Variants in SLC9A8 observed in about 807,000 individuals in gnomAD.
SLC9A8 encodes solute carrier family 9 member A8.
SLC9A8 carries 48 observed loss-of-function variants against 66.6 expected under a neutral mutation model. The observed-to-expected ratio is 0.72, with a 90% CI of 0.57 to 0.92. The LOEUF is 0.92. SLC9A8 is among the 40% of genes least tolerant of loss of function. SLC9A8 has a pLI of 0.00. For missense variants in SLC9A8, 599 were observed against 747.3 expected (o/e 0.80, Z 2.31); for synonymous variants, 274 against 282.6 (o/e 0.97, Z 0.31).
At position 49,849,202 on chromosome 20, in the gene SLC9A8, C is replaced by T. The variant is rs561786475; in HGVS notation, c.433-377C>T. On this transcript the variant is annotated intron_variant, in intron 5 of 15. Coordinates refer to ENST00000361573, the MANE Select transcript of SLC9A8 (RefSeq NM_015266.3). ...TGAGCCCAGAGGCCTCCCCAGGAGT[C>T]GAATCATTCAGGGTGGGGGCTAGCT... Among the ~76,000 whole-genome samples, 10 of 152,148 alleles carry T rather than the reference C, an allele frequency of 6.6e-5. No homozygotes were observed. The South Asian group carries it at 1.2e-3, about 19-fold the overall frequency.
At chr20:49,875,163 T>C (rs2089375542) in intron 11 of SLC9A8, among the ~76,000 whole-genome samples, 1 of 151,496 alleles carries the variant, frequency 6.6e-6, no homozygotes, top group South Asian at 2.1e-4. Flanking sequence ...TTGGTGAAAA[T>C]GGCTCCATAG....
Position 49,883,847 on chromosome 20 carries a change from C to T in SLC9A8, c.1272C>T (p.Gly424=). The change falls in exon 14 of 16, where the codon GGC becomes GGT. Residue 424 remains glycine, a splice_region_variant and synonymous_variant. Coordinates refer to ENST00000361573, the MANE Select transcript of SLC9A8 (RefSeq NM_015266.3). ...CTCACACTGTTTGCTGTCACCCAGGCCTGCGGGGAGCCATCCCCTATGCCC... is the reference window on the plus strand; with the variant it reads ...CTCACACTGTTTGCTGTCACCCAGGTCTGCGGGGAGCCATCCCCTATGCCC... The part of the protein sequence containing the change: ...PKMMFIMWFS[G]LRGAIPYALS... 6.2e-7 allele frequency: 1 copy of T among 1,604,206 alleles called. No individual in the cohort carries two copies.
rs182113855 is a variant in SLC9A8, at chr20:49,843,306, A to G, written c.349-1730A>G. On this transcript the variant is annotated intron_variant, in intron 4 of 15. Coordinates refer to ENST00000361573, the MANE Select transcript of SLC9A8 (RefSeq NM_015266.3). The stretch of plus-strand genomic sequence containing the variant: ...CACAGAGCTCGGCTCATTTTTTTTC[A>G]CACAGTCCCAGTCTGAATCATGAGC... Among the ~76,000 whole-genome samples the G allele has an allele frequency of 6.6e-5, 10 of 152,226 alleles. No individual in the cohort carries two copies. The East Asian group carries it at 1.4e-3, about 21-fold the overall frequency.
At chr20:49,878,197 T>G in intron 12 of SLC9A8, 134 bp downstream of exon 12, 1 of 509,700 alleles carries the variant, frequency 2.0e-6, no homozygotes, top group Non-Finnish European at 3.3e-6. Flanking sequence ...GTTTAAAGTT[T>G]CTTTTGTTAA....
chr20:49,834,122 G>A (rs1212106350), intron 3 of SLC9A8, among the ~76,000 whole-genome samples: 4 of 134,574 alleles, frequency 3.0e-5, no homozygotes, highest in Admixed American at 7.7e-5. Flanking sequence ...GGTGGTGCAC[G>A]CTTGTAATAT....
chr20:49,860,748 T>C (rs1404099373), intron 8 of SLC9A8, among the ~76,000 whole-genome samples: 1 of 152,012 alleles, frequency 6.6e-6, no homozygotes, highest in African/African-American at 2.4e-5. Flanking sequence ...TAAAATGATA[T>C]CGATTCATGA....
At chr20:49,874,881 A>T (rs2089362777) in intron 11 of SLC9A8, 60 bp downstream of exon 11, 1 of 1,183,886 alleles carries the variant, frequency 8.4e-7, no homozygotes, top group Non-Finnish European at 1.3e-6. Flanking sequence ...TTGCTTCCTT[A>T]TCCTGTTTGA....
chr20:49,844,517 C>T (rs754025037), intron 4 of SLC9A8, among the ~76,000 whole-genome samples: 4 of 150,622 alleles, frequency 2.7e-5, no homozygotes, highest in Non-Finnish European at 5.9e-5. Flanking sequence ...CGCATGGTGG[C>T]TCATGCCTGT....
intron 13 of SLC9A8, 41 bp from the exon 14 acceptor site, chr20:49,883,805 C>T (rs1186396442): frequency 6.5e-7 from 1 of 1,526,806 alleles, no homozygotes; most frequent in Admixed American, 1.7e-5. Flanking sequence ...GAAGCTGCTG[C>T]CTCTTCACTG....
At position 49,884,265 on chromosome 20, in the gene SLC9A8, C is replaced by CATG. The variant is rs2089774523; in HGVS notation, c.1491+200_1491+201insTGA. ...ACGACACACACACACACACGACACACACACACACGACACACACACACACGA... is the reference window on the plus strand; with the variant it reads ...ACGACACACACACACACACGACACACATGACACACACGACACACACACACACGA... On this transcript the variant is annotated intron_variant, in intron 14 of 15. Coordinates refer to ENST00000361573, the MANE Select transcript of SLC9A8 (RefSeq NM_015266.3). 9.1e-6 allele frequency: 3 copies of CATG among 331,136 alleles called. 1 individual carries two copies. In the African/African-American group the frequency reaches 1.1e-4, roughly 12 times the overall value. 20.5% of individuals were successfully genotyped at this position (331,136 alleles called of 1,614,324 possible).
In SLC9A8 at chr20:49,817,050, G is replaced by A. The variant is rs577749641; in HGVS notation, c.208+1861G>A. 1.2e-4 allele frequency among the ~76,000 whole-genome samples: 18 copies of A among 151,564 alleles called. No individual in the cohort carries two copies. The East Asian group carries it at 1.4e-3, about 12-fold the overall frequency. ...GCCAAGTCCAAATTCTTGTTTGGCC[G>A]GGCGCCGTGGCTCACACCTATAATC... On this transcript the variant is annotated intron_variant, in intron 2 of 15. Transcript: ENST00000361573.
chr20:49,875,667 C>G (rs1043858121), intron 11 of SLC9A8, among the ~76,000 whole-genome samples: 35 of 152,258 alleles, frequency 2.3e-4, no homozygotes, highest in African/African-American at 8.4e-4. Flanking sequence ...CACCATGTCC[C>G]TTTAAGCTGG....
chr20:49,840,961 CAA>C (rs796104232), intron 4 of SLC9A8, among the ~76,000 whole-genome samples: 2 of 104,636 alleles, frequency 1.9e-5, no homozygotes, highest in African/African-American at 3.5e-5. Flanking sequence ...TAAAAAAATA[CAA>C]AAAAAAAAAA....
At chr20:49,833,419 A>G (rs1015005109) in intron 3 of SLC9A8, among the ~76,000 whole-genome samples, 5 of 152,246 alleles carry the variant, frequency 3.3e-5, no homozygotes, top group African/African-American at 1.2e-4. Flanking sequence ...TTGCACAATT[A>G]ACAAAACTAC....
intron 3 of SLC9A8, 111 bp from the exon 4 acceptor site, chr20:49,839,430 A>T (rs190376865): frequency 1.7e-6 from 1 of 605,352 alleles, no homozygotes; most frequent in Admixed American, 2.7e-5. Context: ...CTGTGCCCCA[A>T]CCACCTTGGG....
chr20:49,887,651 C>T (rs577745488), intron 15 of SLC9A8, among the ~76,000 whole-genome samples, 178 bp from the exon 16 acceptor site: 1 of 152,188 alleles, frequency 6.6e-6, no homozygotes, highest in Admixed American at 6.5e-5. Flanking sequence ...GTGACCTCCA[C>T]CCCCACAAAG....
chr20:49,815,832 A>G (rs913978203), intron 2 of SLC9A8, among the ~76,000 whole-genome samples: 6 of 152,076 alleles, frequency 3.9e-5, no homozygotes, highest in Non-Finnish European at 7.4e-5. Context: ...ATGAAGGAGC[A>G]GGGGGTGGGG....
At chr20:49,856,480 C>A (rs1454377463) in intron 8 of SLC9A8, among the ~76,000 whole-genome samples, 1 of 152,050 alleles carries the variant, frequency 6.6e-6, no homozygotes, top group Non-Finnish European at 1.5e-5. Context: ...GTATTACTAC[C>A]CTAATTGATG....
intron 14 of SLC9A8, 161 bp downstream of exon 14, chr20:49,884,227 C>CACG (rs1555848217): frequency 2.7e-4 from 59 of 216,402 alleles, no homozygotes; most frequent in Middle Eastern, 1.1e-3. Flanking sequence ...CACACACACA[C>CACG]ACACACACAC....
Sources: allele counts gnomAD v4.1 joint callset (sites outside exome capture counted in the v4.1 genomes callset), GRCh38; gene constraint gnomAD v4.1.1; transcripts MANE v1.5; gene names NCBI Gene and HGNC (gene_info 2026-07-23, HGNC 2026-07-21).